C16orf78: variants seen among roughly 807,000 people sequenced by gnomAD.
The protein encoded by C16orf78 is uncharacterized protein C16orf78.
A neutral mutation model predicts 27.3 loss-of-function variants in C16orf78; 19 were observed. That is an observed-to-expected ratio of 0.70 (90% CI 0.49 to 1.02). The LOEUF is 1.02. Ranked by LOEUF, C16orf78 falls within the 50% of genes least tolerant of loss-of-function variation. C16orf78 has a pLI of 0.00. For missense variants in C16orf78, 339 were observed against 337.0 expected, an observed-to-expected ratio of 1.01 and a Z score of -0.05; for synonymous variants, 130 against 116.1, an observed-to-expected ratio of 1.12 and a Z score of -0.77.
chr16:49,389,196 G>C (rs1402052187), intron 3 of C16orf78, among the ~76,000 whole-genome samples: 1 of 152,128 alleles, frequency 6.6e-6, no homozygotes, highest in Non-Finnish European at 1.5e-5. Flanking sequence ...ACGGAGGTGG[G>C]TGGATCACTT....
intron 3 of C16orf78, among the ~76,000 whole-genome samples, chr16:49,391,387 C>T (rs576892830): frequency 1.2e-4 from 19 of 152,226 alleles, no homozygotes; most frequent in Middle Eastern, 3.4e-3. Context: ...CTTTTGTCTC[C>T]GCGAGCACAG....
rs556054642 is a variant in C16orf78, at chr16:49,398,605, C to T, written c.651-526C>T. ...ATGTGCGCATGACAGTGACAAATCA[C>T]GTAACAATTCACATTCTGTCTTTTC... On this transcript the variant is annotated intron_variant, in intron 4 of 4. Transcript: ENST00000299191. Among the ~76,000 whole-genome samples the T allele has an allele frequency of 7.2e-4, 110 of 152,354 alleles. 1 individual carries two copies. Among genetic ancestry groups the T allele is most frequent in the Admixed American group, 6.9e-3 (106 of 15,302 alleles).
intron 3 of C16orf78, among the ~76,000 whole-genome samples, chr16:49,383,479 A>T (rs545392506): frequency 9.2e-5 from 14 of 152,208 alleles, no homozygotes; most frequent in Admixed American, 1.3e-4. Flanking sequence ...TGGATGTCAG[A>T]GTCTATCCTA....
At position 49,399,427 on chromosome 16, in the gene C16orf78, G is replaced by A; in HGVS notation, c.*149G>A. 1 of 934,780 alleles carries A rather than the reference G, an allele frequency of 1.1e-6. No homozygotes were observed. The highest frequency in any genetic ancestry group is 1.6e-6 in the Non-Finnish European group (1 of 641,264). The allele number at this position is 934,780 out of a possible 1,614,324, so 57.9% of individuals were successfully genotyped here. On this transcript the variant is annotated 3_prime_UTR_variant, in exon 5 of 5. Transcript: ENST00000299191. ...ATCAGAAAACAAGCCTCGGCTGTGT[G>A]ATCATTGTGCTTCCGTAAGACTGGT...
chr16:49,379,931 C>T lies in C16orf78; in HGVS notation c.394+1338C>T, dbSNP rs554307595. Among the ~76,000 whole-genome samples, 34 of 152,252 alleles carry T rather than the reference C, an allele frequency of 2.2e-4. No individual in the cohort carries two copies. The South Asian group carries it at 3.1e-3, about 14-fold the overall frequency. On this transcript the variant is annotated intron_variant, in intron 3 of 4. Coordinates refer to ENST00000299191, the MANE Select transcript of C16orf78 (RefSeq NM_144602.4). ...AGTGGACTGGGAGAGGCAGACCCAC[C>T]CTCAACCTGAGTGGGCACCATCTAA...
At chr16:49,397,138 C>G (rs27796) in intron 4 of C16orf78, among the ~76,000 whole-genome samples, 3 of 152,128 alleles carry the variant, frequency 2.0e-5, no homozygotes, top group Admixed American at 6.5e-5. Context: ...AGTGTGAAAC[C>G]ATTTGATATT....
At position 49,373,868 on chromosome 16, in the gene C16orf78, T is replaced by G; in HGVS notation, c.-72T>G. On this transcript the variant is annotated 5_prime_UTR_variant, in exon 1 of 5. Coordinates refer to ENST00000299191, the MANE Select transcript of C16orf78 (RefSeq NM_144602.4). ...CCTTCTAAGTCACCAGGCCATCAAG[T>G]CCAGACAAAGGGATCGAAAGAGTGA... 3.8e-6 allele frequency: 6 copies of G among 1,575,894 alleles called. No individual in the cohort carries two copies. The highest frequency in any genetic ancestry group is 5.2e-6 in the Non-Finnish European group (6 of 1,155,202).
chr16:49,388,927 C>T (rs755244821), intron 3 of C16orf78, among the ~76,000 whole-genome samples: 6 of 152,006 alleles, frequency 3.9e-5, no homozygotes, highest in Non-Finnish European at 7.4e-5. Flanking sequence ...CTTTTCTTAC[C>T]GCAAAGGTAT....
intron 3 of C16orf78, among the ~76,000 whole-genome samples, chr16:49,383,345 G>C (rs1044164168): frequency 2.0e-5 from 3 of 152,158 alleles, no homozygotes; most frequent in Non-Finnish European, 4.4e-5. Context: ...ACCTATGAAG[G>C]GCCTAAAGAT....
Position 49,399,221 on chromosome 16 carries a change from C to A in C16orf78, c.741C>A (p.Val247=). 6.2e-7 allele frequency: 1 copy of A among 1,614,122 alleles called. No individual in the cohort carries two copies. Among genetic ancestry groups the A allele is most frequent in the Non-Finnish European group, 8.5e-7 (1 of 1,180,022 alleles). The change falls in exon 5 of 5, where the codon GTC becomes GTA. Residue 247 remains valine, a synonymous_variant. Coordinates refer to ENST00000299191, the MANE Select transcript of C16orf78 (RefSeq NM_144602.4). The stretch of plus-strand genomic sequence containing the variant: ...ATGTGGATATCCACCCCCACATGGT[C>A]GAAGAGGACATAGATGCTAAAAAGG... ...GMNVDIHPHM[V]EEDIDAKKVF...
intron 4 of C16orf78, among the ~76,000 whole-genome samples, chr16:49,397,876 G>A (rs977025093): frequency 3.9e-5 from 6 of 152,040 alleles, no homozygotes; most frequent in Non-Finnish European, 8.8e-5. Context: ...AGCCACTCTC[G>A]TGCCTCAGCC....
intron 3 of C16orf78, among the ~76,000 whole-genome samples, chr16:49,394,836 T>C (rs905371511): frequency 2.6e-5 from 4 of 152,158 alleles, no homozygotes; most frequent in Non-Finnish European, 4.4e-5. Context: ...TGGTTGCTGG[T>C]ATACTAGACA....
At chr16:49,383,812 G>A (rs1965314977) in intron 3 of C16orf78, among the ~76,000 whole-genome samples, 1 of 152,272 alleles carries the variant, frequency 6.6e-6, no homozygotes, top group East Asian at 1.9e-4. Context: ...AGGCAACATA[G>A]TGAGACCCCC....
At chr16:49,394,538 C>T (rs141967851) in intron 3 of C16orf78, among the ~76,000 whole-genome samples, 1 of 151,618 alleles carries the variant, frequency 6.6e-6, no homozygotes, top group Non-Finnish European at 1.5e-5. Context: ...CTATGTCAAC[C>T]AGGGATAAAA....
rs542523087 is a variant in C16orf78 at position 49,397,812 on chromosome 16, C to A, written c.650+1134C>A. Among the ~76,000 whole-genome samples the A allele has an allele frequency of 6.6e-5, 10 of 152,302 alleles. No individual in the cohort carries two copies. In the East Asian group the frequency reaches 1.9e-3, roughly 29 times the overall value. ...AGACAGCCTCTCTCTGTCGCCCAGG[C>A]TGGAGTGCAGTGATGTGATCTCGGC... On this transcript the variant is annotated intron_variant, in intron 4 of 4. Coordinates refer to ENST00000299191, the MANE Select transcript of C16orf78 (RefSeq NM_144602.4).
rs191349486 is a variant in C16orf78 at position 49,395,461 on chromosome 16, G to A, written c.395-962G>A. 5.8e-3 allele frequency among the ~76,000 whole-genome samples: 882 copies of A among 151,214 alleles called. 10 individuals carry two copies. The highest frequency in any genetic ancestry group is 0.021 in the African/African-American group (844 of 41,038). ...AAAACATCATGAGATTTTTTTTTGC[G>A]ATTTTTTTTTTCTCATCAGCTATCA... On this transcript the variant is annotated intron_variant, in intron 3 of 4. Transcript: ENST00000299191.
intron 4 of C16orf78, among the ~76,000 whole-genome samples, 181 bp from the exon 5 acceptor site, chr16:49,398,950 C>T (rs947924526): frequency 1.3e-5 from 2 of 152,226 alleles, no homozygotes; most frequent in Non-Finnish European, 2.9e-5. Flanking sequence ...AAACTCCCGC[C>T]GCCTTTGTGG....
chr16:49,396,406 C>T lies in C16orf78; in HGVS notation c.395-17C>T, dbSNP rs1210154252. ...CTCCCACGGTCTAACTCTTTGATGG[C>T]ATCTGTCCAATTTCAGATACAGACA... is the stretch of plus-strand genomic sequence containing the variant. On this transcript the variant is annotated splice_polypyrimidine_tract_variant and intron_variant, in intron 3 of 4. Coordinates refer to ENST00000299191, the MANE Select transcript of C16orf78 (RefSeq NM_144602.4). 6.2e-7 allele frequency: 1 copy of T among 1,613,150 alleles called. No individual in the cohort carries two copies. The highest frequency in any genetic ancestry group is 2.2e-5 in the East Asian group (1 of 44,864).
intron 3 of C16orf78, among the ~76,000 whole-genome samples, chr16:49,391,981 C>T (rs997077961): frequency 1.3e-5 from 2 of 152,118 alleles, no homozygotes; most frequent in Admixed American, 6.6e-5. Flanking sequence ...GCACCATGTA[C>T]CATAAAGAGT....
Sources: gnomAD v4.1 joint callset for allele counts (sites outside exome capture counted in the v4.1 genomes callset) on GRCh38, gnomAD v4.1.1 for gene constraint, MANE v1.5 for transcripts, NCBI Gene and HGNC (gene_info 2026-07-23, HGNC 2026-07-21) for gene names.